The following KCNQ1 variants were observed in gnomAD, a reference collection of about 807,000 sequenced individuals.
KCNQ1 encodes the protein potassium voltage-gated channel subfamily Q member 1.
A neutral mutation model predicts 72.4 loss-of-function variants in KCNQ1; 49 were observed. That is an observed-to-expected ratio of 0.68 (90% confidence interval 0.54 to 0.86). The LOEUF is 0.86. Among genes scored for constraint, KCNQ1 ranks in the 40% least tolerant of loss-of-function variants. The pLI, the probability that KCNQ1 is intolerant of heterozygous loss-of-function variation, is 0.00. For synonymous variants in KCNQ1, 450 were observed against 412.6 expected, an observed-to-expected ratio of 1.09 and a Z score of -1.10; for missense variants, 790 against 945.1, an observed-to-expected ratio of 0.84 and a Z score of 2.15.
intron 1 of KCNQ1, among the ~76,000 whole-genome samples, chr11:2,453,735 C>T (rs552203710): frequency 6.6e-6 from 1 of 152,342 alleles, no homozygotes; most frequent in African/African-American, 2.4e-5. Context: ...TGTGACCCAG[C>T]AACCCCCTCC....
chr11:2,675,468 C>A (rs1007208552), intron 11 of KCNQ1: 1 of 398,474 alleles, frequency 2.5e-6, no homozygotes, highest in Non-Finnish European at 4.4e-6. Flanking sequence ...AAAAAAGTTA[C>A]ATAAAAACGT....
At chr11:2,833,229 AGG>A (rs1847988734) in intron 15 of KCNQ1, among the ~76,000 whole-genome samples, 1 of 152,034 alleles carries the variant, frequency 6.6e-6, no homozygotes, top group Non-Finnish European at 1.5e-5. Flanking sequence ...GCCAGGGCAG[AGG>A]ACATAGCCCC....
In KCNQ1 at chr11:2,562,145, G is replaced by A. The variant is rs1396799655; in HGVS notation, c.478-8483G>A. 1.3e-5 allele frequency among the ~76,000 whole-genome samples: 2 copies of A among 150,892 alleles called. No homozygotes were observed. Among genetic ancestry groups the A allele is most frequent in the Non-Finnish European group, 3.0e-5 (2 of 67,548 alleles). ...TGGTGCATCTCACCTGGGCCTGGCC[G>A]GCTGCACTGTGGCGCCTGCCCCAGG... is the stretch of plus-strand genomic sequence containing the variant. On this transcript the variant is annotated intron_variant, in intron 2 of 15. Coordinates refer to ENST00000155840, the MANE Select transcript of KCNQ1 (RefSeq NM_000218.3). This position sits in a 1 kb window ranked among gnomAD's most constrained non-coding sequence, Gnocchi z 7.5.
intron 11 of KCNQ1, chr11:2,697,659 T>C (rs908682210): frequency 2.5e-6 from 1 of 398,628 alleles, no homozygotes; most frequent in Non-Finnish European, 4.4e-6. Flanking sequence ...AGCCTCTTAA[T>C]GTGAATTACA....
intron 15 of KCNQ1, among the ~76,000 whole-genome samples, chr11:2,821,826 T>G (rs962524173): frequency 6.6e-6 from 1 of 152,170 alleles, no homozygotes; most frequent in African/African-American, 2.4e-5. Context: ...GCCACATCCC[T>G]GCTCTGCACA....
Position 2,563,843 on chromosome 11 carries a change from T to C in KCNQ1, c.478-6785T>C, listed in dbSNP as rs1424767871. On this transcript the variant is annotated intron_variant, in intron 2 of 15. Coordinates refer to ENST00000155840, the MANE Select transcript of KCNQ1 (RefSeq NM_000218.3). The surrounding 1 kb of genome is among the most constrained non-coding windows in gnomAD (Gnocchi z 7.4). ...GAGGGCTCAAGGTCTGCATGCCATT[T>C]TGCAATTGACAAATGGCTTGTGCTT... 6.6e-6 allele frequency among the ~76,000 whole-genome samples: 1 copy of C among 152,238 alleles called. No individual in the cohort carries two copies. Among genetic ancestry groups the C allele is most frequent in the Non-Finnish European group, 1.5e-5 (1 of 68,034 alleles).
intron 15 of KCNQ1, among the ~76,000 whole-genome samples, chr11:2,843,232 C>T (rs1336774260): frequency 1.3e-5 from 2 of 152,256 alleles, no homozygotes; most frequent in African/African-American, 4.8e-5. Context: ...CATGCCCTGC[C>T]ACGAACCGCG....
Position 2,645,062 on chromosome 11 carries a change from G to GCATTGGCC in KCNQ1, c.1394-16899_1394-16898insCATTGGCC. On this transcript the variant is annotated intron_variant, in intron 10 of 15. Coordinates refer to ENST00000155840, the MANE Select transcript of KCNQ1 (RefSeq NM_000218.3). The surrounding 1 kb of genome is among the most constrained non-coding windows in gnomAD (Gnocchi z 5.8). ...ACTTGCTCAGGTGCCAATGATGACAGAGCTGGGCCACAGGGTGGGTAGGTC... is the reference window on the plus strand; with the variant it reads ...ACTTGCTCAGGTGCCAATGATGACAGCATTGGCCAGCTGGGCCACAGGGTGGGTAGGTC... 2.5e-6 allele frequency: 1 copy of GCATTGGCC among 398,804 alleles called. No individual in the cohort carries two copies. The highest frequency in any genetic ancestry group is 4.4e-6 in the Non-Finnish European group (1 of 226,180). 24.7% of individuals were successfully genotyped at this position (398,804 alleles called of 1,614,324 possible).
At position 2,626,397 on chromosome 11, in the gene KCNQ1, T is replaced by TG; in HGVS notation, c.1394-35562dup. On this transcript the variant is annotated intron_variant, in intron 10 of 15. Coordinates refer to ENST00000155840, the MANE Select transcript of KCNQ1 (RefSeq NM_000218.3). The surrounding 1 kb of genome is among the most constrained non-coding windows in gnomAD (Gnocchi z 4.0). ...CAGCACTTTCCCTATTGAATGGTCT[T>TG]GGCACTCTTCTCAGGAATCATTTGA... 1 of 398,650 alleles carries TG rather than the reference T, an allele frequency of 2.5e-6. No homozygotes were observed. The highest frequency in any genetic ancestry group is 4.4e-6 in the Non-Finnish European group (1 of 226,090). 24.7% of individuals were successfully genotyped at this position (398,650 alleles called of 1,614,324 possible).
In KCNQ1 at chr11:2,703,996, C is replaced by T. The variant is rs1850864819; in HGVS notation, c.1514+41915C>T. Among the ~76,000 whole-genome samples, 1 of 152,210 alleles carries T rather than the reference C, an allele frequency of 6.6e-6. No homozygotes were observed. Among genetic ancestry groups the T allele is most frequent in the Admixed American group, 6.5e-5 (1 of 15,286 alleles). ...CGTGGGGGAGTGGGGGTGGTTAGGA[C>T]CTCAGGGTTATCCCTGAGTGGCTGA... On this transcript the variant is annotated intron_variant, in intron 11 of 15. Coordinates refer to ENST00000155840, the MANE Select transcript of KCNQ1 (RefSeq NM_000218.3). This position sits in a 1 kb window ranked among gnomAD's most constrained non-coding sequence, Gnocchi z 6.4.
intron 15 of KCNQ1, among the ~76,000 whole-genome samples, chr11:2,795,231 A>G (rs182079447): frequency 6.6e-6 from 1 of 152,194 alleles, no homozygotes; most frequent in Admixed American, 6.5e-5. Flanking sequence ...AGTGGTGGCT[A>G]TGAACTGGAG....
intron 15 of KCNQ1, among the ~76,000 whole-genome samples, chr11:2,786,511 C>A (rs1013172874): frequency 6.6e-6 from 1 of 151,724 alleles, no homozygotes; most frequent in East Asian, 1.9e-4. Context: ...TCACTTCAGT[C>A]TCATTATCTC....
intron 6 of KCNQ1, among the ~76,000 whole-genome samples, chr11:2,573,308 C>T (rs1362500614): frequency 2.6e-5 from 4 of 152,176 alleles, no homozygotes; most frequent in Non-Finnish European, 5.9e-5. Context: ...CTGCCTCCCG[C>T]CATCGTCCTA....
rs1848199981 is a variant in KCNQ1 at position 2,563,254 on chromosome 11, T to C, written c.478-7374T>C. Reference sequence around the variant, plus strand: ...CAAAACAATAGATAAGATGGCCAGGTCGACCTTCAGCCTTCTCGGAGAACA... The same window carrying C: ...CAAAACAATAGATAAGATGGCCAGGCCGACCTTCAGCCTTCTCGGAGAACA... On this transcript the variant is annotated intron_variant, in intron 2 of 15. Transcript: ENST00000155840. The surrounding 1 kb of genome is among the most constrained non-coding windows in gnomAD (Gnocchi z 7.4). Among the ~76,000 whole-genome samples the C allele has an allele frequency of 6.6e-6, 1 of 152,140 alleles. No individual in the cohort carries two copies. Among genetic ancestry groups the C allele is most frequent in the Non-Finnish European group, 1.5e-5 (1 of 68,022 alleles).
chr11:2,469,214 T>A (rs1216076643), intron 1 of KCNQ1, among the ~76,000 whole-genome samples: 1 of 152,178 alleles, frequency 6.6e-6, no homozygotes, highest in African/African-American at 2.4e-5. Flanking sequence ...AAAGTGTCTG[T>A]CAAATTGTCT....
At chr11:2,631,088 T>G (rs1046160461) in intron 10 of KCNQ1, 1 of 398,556 alleles carries the variant, frequency 2.5e-6, no homozygotes, top group Non-Finnish European at 4.4e-6. Flanking sequence ...ATTGTAATTC[T>G]TTGAGCTTCA....
In KCNQ1 at chr11:2,746,020, G is replaced by A. The variant is rs1457800431; in HGVS notation, c.1515-22824G>A. On this transcript the variant is annotated intron_variant, in intron 11 of 15. Transcript: ENST00000155840. This position sits in a 1 kb window ranked among gnomAD's most constrained non-coding sequence, Gnocchi z 5.9. ...TTGTCTCACCTCAGCCTCCTGAGTA[G>A]CTGGGACTACAGGTGTGCGCCACCA... 1.3e-5 allele frequency among the ~76,000 whole-genome samples: 2 copies of A among 152,170 alleles called. No individual in the cohort carries two copies. The highest frequency in any genetic ancestry group is 4.8e-5 in the African/African-American group (2 of 41,432).
rs372844812 is a variant in KCNQ1, at chr11:2,457,404, G to A, written c.386+11920G>A. On this transcript the variant is annotated intron_variant, in intron 1 of 15. Coordinates refer to ENST00000155840, the MANE Select transcript of KCNQ1 (RefSeq NM_000218.3). This position sits in a 1 kb window ranked among gnomAD's most constrained non-coding sequence, Gnocchi z 5.0. ...CTCAGGTGCCTGTCAATGGTAGATC[G>A]AATAAAGCAAATGTGATATATATAC... Among the ~76,000 whole-genome samples the A allele has an allele frequency of 1.8e-4, 27 of 152,274 alleles. No homozygotes were observed. Among genetic ancestry groups the A allele is most frequent in the Non-Finnish European group, 2.8e-4 (19 of 68,028 alleles).
rs1848697285 is a variant in KCNQ1 at position 2,593,564 on chromosome 11, T to G, written c.1393+4710T>G. Among the ~76,000 whole-genome samples, 2 of 152,192 alleles carry G rather than the reference T, an allele frequency of 1.3e-5. No individual in the cohort carries two copies. The highest frequency in any genetic ancestry group is 4.1e-4 in the South Asian group (2 of 4,832). On this transcript the variant is annotated intron_variant, in intron 10 of 15. Transcript: ENST00000155840. This position sits in a 1 kb window ranked among gnomAD's most constrained non-coding sequence, Gnocchi z 6.9. ...AGGTGACCTGGGACTATTGTGTGGT[T>G]TCCCGTTTGTGAAGTGGGGCAGCGT...
Sources: gnomAD v4.1 joint callset for allele counts (sites outside exome capture counted in the v4.1 genomes callset) on GRCh38, gnomAD v4.1.1 for gene constraint, Gnocchi (gnomAD v3.1) non-coding constraint, MANE v1.5 for transcripts, NCBI Gene and HGNC (gene_info 2026-07-23, HGNC 2026-07-21) for gene names.